Variants in TMCC1 observed in about 807,000 individuals in gnomAD.
The protein encoded by TMCC1 is transmembrane and coiled-coil domains protein 1.
In TMCC1, 15 loss-of-function variants were observed where a neutral mutation model predicts 52.4. The observed-to-expected ratio is 0.29, with a 90% CI of 0.19 to 0.44. TMCC1 has a LOEUF of 0.44. TMCC1 is among the 20% of genes least tolerant of loss of function. TMCC1 has a pLI of 1.00. For missense variants in TMCC1, 503 were observed against 806.0 expected, an observed-to-expected ratio of 0.62 and a Z score of 4.55; for synonymous variants, 279 against 301.9, an observed-to-expected ratio of 0.92 and a Z score of 0.79.
chr3:129,861,344 G>A (rs1484679945), intron 2 of TMCC1, among the ~76,000 whole-genome samples: 1 of 152,048 alleles, frequency 6.6e-6, no homozygotes, highest in African/African-American at 2.4e-5. Context: ...GGAGGCTGAG[G>A]CAGGAGAATC....
intron 4 of TMCC1, among the ~76,000 whole-genome samples, chr3:129,690,891 T>C (rs972506368): frequency 6.6e-6 from 1 of 152,250 alleles, no homozygotes; most frequent in Non-Finnish European, 1.5e-5. Context: ...AATGAATTTA[T>C]CTGACAGAAC....
Position 129,886,357 on chromosome 3 carries a change from A to C in TMCC1, c.-434-5798T>G, listed in dbSNP as rs145262230. The stretch of plus-strand genomic sequence containing the variant: ...TTATCCAAAGTCAAGCCATTGGAAA[A>C]CTTTCTACTTTATATGATAATAAAC... On this transcript the variant is annotated intron_variant, in intron 1 of 6. Transcript: ENST00000393238. Among the ~76,000 whole-genome samples, 175 of 152,258 alleles carry C rather than the reference A, an allele frequency of 1.1e-3. 1 individual carries two copies. The highest frequency in any genetic ancestry group is 4.1e-3 in the African/African-American group (170 of 41,550).
intron 5 of TMCC1, among the ~76,000 whole-genome samples, chr3:129,661,746 G>A (rs536466109): frequency 6.6e-6 from 1 of 152,202 alleles, no homozygotes; most frequent in South Asian, 2.1e-4. Flanking sequence ...GAGGTGCAGT[G>A]AGCTGAGACT....
chr3:129,852,386 G>C (rs1272777259), intron 2 of TMCC1, among the ~76,000 whole-genome samples: 1 of 150,244 alleles, frequency 6.7e-6, no homozygotes, highest in Non-Finnish European at 1.5e-5. Flanking sequence ...GAACCCGGGA[G>C]GCAGAGGTTG....
chr3:129,698,696 T>A (rs1003467259), intron 4 of TMCC1, among the ~76,000 whole-genome samples: 2 of 152,204 alleles, frequency 1.3e-5, no homozygotes, highest in Non-Finnish European at 2.9e-5. Flanking sequence ...TAGTTAGAGT[T>A]AGCAAGCTAA....
chr3:129,852,662 G>A (rs779448625), intron 2 of TMCC1, among the ~76,000 whole-genome samples: 3 of 152,158 alleles, frequency 2.0e-5, no homozygotes, highest in Admixed American at 6.5e-5. Flanking sequence ...CCATTCAACC[G>A]TACCCTTAAA....
chr3:129,782,273 G>A (rs187963721), intron 4 of TMCC1, among the ~76,000 whole-genome samples: 34 of 152,150 alleles, frequency 2.2e-4, no homozygotes, highest in Admixed American at 1.2e-3. Context: ...ACTGAGCCTA[G>A]GCCACAGCAA....
intron 1 of TMCC1, among the ~76,000 whole-genome samples, chr3:129,884,414 G>A (rs925829223): frequency 2.6e-5 from 4 of 152,086 alleles, no homozygotes; most frequent in East Asian, 1.9e-4. Flanking sequence ...GATCACTTGA[G>A]CCCAGGAATT....
At chr3:129,831,831 G>C (rs2058930768) in intron 3 of TMCC1, among the ~76,000 whole-genome samples, 1 of 152,076 alleles carries the variant, frequency 6.6e-6, no homozygotes, top group Admixed American at 6.5e-5. Context: ...AACAACTGTT[G>C]CTCAGTTTAT....
chr3:129,871,588 C>T (rs1240980089), intron 2 of TMCC1, among the ~76,000 whole-genome samples: 1 of 152,022 alleles, frequency 6.6e-6, no homozygotes, highest in Admixed American at 6.6e-5. Flanking sequence ...TTTACAATCC[C>T]GTGTAACCAC....
At chr3:129,841,317 T>G (rs1001163314) in intron 2 of TMCC1, among the ~76,000 whole-genome samples, 2 of 152,244 alleles carry the variant, frequency 1.3e-5, no homozygotes, top group African/African-American at 4.8e-5. Flanking sequence ...CCGGGGACAG[T>G]GGCTCATGCC....
In TMCC1 at chr3:129,828,345, C is replaced by T; in HGVS notation, c.34G>A (p.Asp12Asn). The T allele has an allele frequency of 1.9e-6, 3 of 1,613,954 alleles. No individual in the cohort carries two copies. The highest frequency in any genetic ancestry group is 2.2e-5 in the South Asian group (2 of 91,070). The change falls in exon 4 of 7, where the codon GAC (aspartate) becomes AAC (asparagine). Residue 12 changes from aspartate to asparagine, a missense_variant. Physicochemically the swap from Asp to Asn is conservative, Grantham distance 23. This residue lies in a region of TMCC1 where 217 missense variants were observed against 297.9 expected (regional missense o/e 0.73). Coordinates refer to ENST00000393238, the MANE Select transcript of TMCC1 (RefSeq NM_001017395.5). The surrounding 1 kb of genome is among the most constrained non-coding windows in gnomAD (Gnocchi z 4.1). ...EPSGSEQLFE[D>N]PDPGGKSQDA... ...TGGGATTTGCCTCCAGGATCAGGGT[C>T]CTCAAATAACTGTTCACTGCCCGAA...
chr3:129,783,263 C>T (rs1253461004), intron 4 of TMCC1, among the ~76,000 whole-genome samples: 1 of 152,090 alleles, frequency 6.6e-6, no homozygotes, highest in African/African-American at 2.4e-5. Context: ...AATGTACTTG[C>T]TCATTGAATA....
intron 2 of TMCC1, among the ~76,000 whole-genome samples, chr3:129,856,922 G>A (rs555783160): frequency 1.1e-4 from 17 of 152,062 alleles, no homozygotes; most frequent in Admixed American, 5.9e-4. Context: ...AACGAGACAT[G>A]GGATTTTTTT....
intron 2 of TMCC1, among the ~76,000 whole-genome samples, chr3:129,842,079 G>A (rs531628581): frequency 1.3e-5 from 2 of 152,212 alleles, no homozygotes; most frequent in South Asian, 2.1e-4. Flanking sequence ...CAAAATACAT[G>A]AGGCAAAACT....
intron 4 of TMCC1, among the ~76,000 whole-genome samples, chr3:129,814,723 C>A (rs2058010539): frequency 6.6e-6 from 1 of 151,756 alleles, no homozygotes; most frequent in Non-Finnish European, 1.5e-5. Flanking sequence ...GTCTATGCAA[C>A]TGGAAAACAA....
At chr3:129,878,169 C>T (rs1341320020) in intron 2 of TMCC1, among the ~76,000 whole-genome samples, 2 of 149,502 alleles carry the variant, frequency 1.3e-5, no homozygotes, top group African/African-American at 2.5e-5. Flanking sequence ...TCACGACATT[C>T]GCCAGGCTGG....
intron 4 of TMCC1, among the ~76,000 whole-genome samples, chr3:129,820,155 A>G (rs1188980379): frequency 2.7e-5 from 4 of 150,084 alleles, no homozygotes; most frequent in African/African-American, 9.8e-5. Flanking sequence ...GCAGTGGTCA[A>G]AAGCATGACT....
At chr3:129,889,461 G>A (rs1206758032) in intron 1 of TMCC1, among the ~76,000 whole-genome samples, 2 of 152,136 alleles carry the variant, frequency 1.3e-5, no homozygotes, top group African/African-American at 4.8e-5. Flanking sequence ...GTGGAAACCT[G>A]ATAAAGTATG....
Sources: allele counts gnomAD v4.1 joint callset (sites outside exome capture counted in the v4.1 genomes callset), GRCh38; gene constraint gnomAD v4.1.1; regional missense constraint gnomAD v4.1.1; non-coding constraint Gnocchi (gnomAD v3.1); transcripts MANE v1.5; gene names NCBI Gene and HGNC (gene_info 2026-07-23, HGNC 2026-07-21).